The following ABCA6 variants were observed in gnomAD, a reference collection of about 807,000 sequenced individuals.
ABCA6 encodes ATP binding cassette subfamily A member 6, also known as ATP-binding cassette sub-family A member 6.
A neutral mutation model predicts 191.2 loss-of-function variants in ABCA6; 164 were observed. The ratio of observed to expected loss-of-function variants is 0.86; its 90% CI spans 0.76 to 0.98. The LOEUF (loss-of-function observed/expected upper bound fraction) is 0.98. Ranked by LOEUF, ABCA6 falls within the 50% of genes least tolerant of loss-of-function variation. The probability of loss-of-function intolerance (pLI) is 0.00; values close to 1 mark genes in which losing one functional copy is unlikely to be tolerated. For synonymous variants in ABCA6, 636 were observed against 647.7 expected (o/e 0.98, Z 0.27); for missense variants, 1,958 against 1,894.1 (o/e 1.03, Z -0.63).
chr17:69,129,506 T>C lies in ABCA6; in HGVS notation c.933+104A>G, dbSNP rs537369990. 7 of 966,300 alleles carry C rather than the reference T, an allele frequency of 7.2e-6. No individual in the cohort carries two copies. In the African/African-American group the frequency reaches 1.1e-4, roughly 16 times the overall value. The allele number at this position is 966,300 out of a possible 1,614,324, so 59.9% of individuals were successfully genotyped here. On this transcript the variant is annotated intron_variant, in intron 7 of 38. Transcript: ENST00000284425. ...AGGACACACACATGCACACACACAA[T>C]GGACATGAAAGTAGTGATTGCAGTA...
chr17:69,090,114 G>GA (rs1338901471), intron 26 of ABCA6, among the ~76,000 whole-genome samples: 1 of 152,186 alleles, frequency 6.6e-6, no homozygotes, highest in Non-Finnish European at 1.5e-5. Context: ...TACTTAGGAG[G>GA]AAAATGCTTT....
chr17:69,137,245 C>T (rs779357307), intron 3 of ABCA6, 51 bp downstream of exon 3: 1 of 1,520,474 alleles, frequency 6.6e-7, no homozygotes, highest in Non-Finnish European at 9.0e-7. Flanking sequence ...AACTTATCAA[C>T]AGTATATAGA....
At chr17:69,097,756 T>C (rs2073082647) in intron 23 of ABCA6, among the ~76,000 whole-genome samples, 164 bp downstream of exon 23, 1 of 152,248 alleles carries the variant, frequency 6.6e-6, no homozygotes, top group Admixed American at 6.5e-5. Flanking sequence ...TTTGAGTTTT[T>C]AGAAGTAAAT....
chr17:69,132,870 ATGAG>A (rs563958790), intron 6 of ABCA6, among the ~76,000 whole-genome samples: 204 of 92,446 alleles, frequency 2.2e-3, no homozygotes, highest in South Asian at 7.6e-3. Flanking sequence ...ATATACATAC[ATGAG>A]TGTGTGTGTA....
intron 11 of ABCA6, among the ~76,000 whole-genome samples, chr17:69,116,549 T>C (rs2073542150): frequency 6.6e-6 from 1 of 152,122 alleles, no homozygotes; most frequent in Non-Finnish European, 1.5e-5. Context: ...ATTTATGACA[T>C]TTACAAAGAT....
At chr17:69,139,736 A>G (rs1490531757) in intron 2 of ABCA6, among the ~76,000 whole-genome samples, 5 of 152,132 alleles carry the variant, frequency 3.3e-5, no homozygotes, top group African/African-American at 7.2e-5. Context: ...AGAAAATGTG[A>G]CACATATACA....
At position 69,085,050 on chromosome 17, in the gene ABCA6, C is replaced by A; in HGVS notation, c.4162G>T (p.Asp1388Tyr). ...TACCTTGCGATGGCGAGCCTCGCGT[C>A]CGCTTTCCTGAGCCCCTTGACGGCA... ...YAAVKGLRKA[D>Y]ARLAIARLVS... The change falls in exon 32 of 39, where the codon GAC becomes TAC. Residue 1388 changes from aspartate to tyrosine, a missense_variant. Physicochemically the swap from Asp to Tyr is radical, Grantham distance 160. Coordinates refer to ENST00000284425, the MANE Select transcript of ABCA6 (RefSeq NM_080284.3). The A allele has an allele frequency of 1.2e-6, 2 of 1,611,004 alleles. No homozygotes were observed. The highest frequency in any genetic ancestry group is 3.4e-5 in the Admixed American group (2 of 58,752).
At chr17:69,138,710 A>T (rs1052934683) in intron 2 of ABCA6, among the ~76,000 whole-genome samples, 2 of 151,384 alleles carry the variant, frequency 1.3e-5, no homozygotes, top group African/African-American at 4.9e-5. Context: ...ACAAGGCCAC[A>T]GTAACCAAAA....
chr17:69,141,208 G>A (rs2144732801), intron 1 of ABCA6, among the ~76,000 whole-genome samples: 1 of 152,080 alleles, frequency 6.6e-6, no homozygotes, highest in South Asian at 2.1e-4. Context: ...TCAATAAAGT[G>A]TTTTCTTGTA....
intron 25 of ABCA6, among the ~76,000 whole-genome samples, chr17:69,093,595 C>G (rs1194687446): frequency 6.6e-6 from 1 of 152,182 alleles, no homozygotes; most frequent in Non-Finnish European, 1.5e-5. Context: ...AAAAGTTGCT[C>G]GCTTTCTTTG....
intron 30 of ABCA6, among the ~76,000 whole-genome samples, chr17:69,086,120 T>C (rs2072781283): frequency 1.3e-5 from 2 of 152,252 alleles, no homozygotes; most frequent in Middle Eastern, 3.4e-3. Flanking sequence ...CCAACTGATA[T>C]AAAAGCCTCT....
At position 69,121,826 on chromosome 17, in the gene ABCA6, A is replaced by G. The variant is rs188662102; in HGVS notation, c.1436+1413T>C. On this transcript the variant is annotated intron_variant, in intron 10 of 38. Transcript: ENST00000284425. ...AGAAGGATTGATGACACTGGAACTG[A>G]GTTTTATGGAATTATTCCTCACTTG... Among the ~76,000 whole-genome samples, 107 of 152,108 alleles carry G rather than the reference A, an allele frequency of 7.0e-4. 1 individual carries two copies. Among genetic ancestry groups the G allele is most frequent in the South Asian group, 3.7e-3 (18 of 4,808 alleles).
rs143471158 is a variant in ABCA6, at chr17:69,133,847, C to T, written c.585G>A (p.Val195=). The change falls in exon 6 of 39, where the codon GTG becomes GTA. Residue 195 remains valine, a synonymous_variant. Transcript: ENST00000284425. The stretch of plus-strand genomic sequence containing the variant: ...CAGTAACTGACATCAACTCCTCCAT[C>T]ACAGGGTGATTGGTTGTGATCTAAA... ...AIIEITTNHP[V]MEELMSVTAI... 1.0e-5 allele frequency: 16 copies of T among 1,603,028 alleles called. No homozygotes were observed. In the African/African-American group the frequency reaches 2.0e-4, roughly 20 times the overall value.
At chr17:69,129,971 T>C (rs1037667522) in intron 6 of ABCA6, among the ~76,000 whole-genome samples, 1 of 152,130 alleles carries the variant, frequency 6.6e-6, no homozygotes, top group African/African-American at 2.4e-5. Flanking sequence ...TTACCATATA[T>C]GCATACAGAG....
chr17:69,112,124 C>A, intron 16 of ABCA6, 59 bp downstream of exon 16: 1 of 1,260,122 alleles, frequency 7.9e-7, no homozygotes, highest in East Asian at 2.3e-5. Flanking sequence ...TAATTGTCCA[C>A]CTTTTTCATA....
chr17:69,080,038 A>G (rs2072592001), intron 37 of ABCA6, among the ~76,000 whole-genome samples: 1 of 152,186 alleles, frequency 6.6e-6, no homozygotes, highest in South Asian at 2.1e-4. Context: ...CTGGATGTTT[A>G]GGAAGGAGAA....
intron 20 of ABCA6, chr17:69,104,280 T>C (rs1322650661): frequency 6.6e-6 from 1 of 152,112 alleles, no homozygotes; most frequent in Non-Finnish European, 1.5e-5. Context: ...ACAAGCCCAC[T>C]GCCCTCAAGA....
intron 10 of ABCA6, among the ~76,000 whole-genome samples, chr17:69,118,827 A>AT (rs894711567): frequency 1.3e-5 from 2 of 151,792 alleles, no homozygotes; most frequent in Non-Finnish European, 1.5e-5. Context: ...TTCTCGTTGG[A>AT]TTTTTTGTTT....
chr17:69,083,760 C>A (rs1036667330), intron 34 of ABCA6, among the ~76,000 whole-genome samples: 2 of 152,094 alleles, frequency 1.3e-5, no homozygotes, highest in South Asian at 4.2e-4. Flanking sequence ...GGAAAAGTAT[C>A]GGACAGTGAC....
Sources: gnomAD v4.1 joint callset for allele counts (sites outside exome capture counted in the v4.1 genomes callset) on GRCh38, gnomAD v4.1.1 for gene constraint, MANE v1.5 for transcripts, NCBI Gene and HGNC (gene_info 2026-07-23, HGNC 2026-07-21) for gene names.